USH2A: variants seen among roughly 807,000 people sequenced by gnomAD.
USH2A encodes the protein usherin, also known as Usher syndrome 2A (autosomal recessive, mild).
A neutral mutation model predicts 538.9 loss-of-function variants in USH2A; 443 were observed. That is an observed-to-expected ratio of 0.82 (90% CI 0.76 to 0.89). USH2A has a LOEUF of 0.89. Ranked by LOEUF, USH2A falls within the 40% of genes least tolerant of loss-of-function variation. USH2A has a pLI of 0.00. For synonymous variants in USH2A, 2,413 were observed against 2,273.5 expected, an observed-to-expected ratio of 1.06 and a Z score of -1.75; for missense variants, 6,633 against 6,324.8, an observed-to-expected ratio of 1.05 and a Z score of -1.65.
chr1:215,841,117 G>T (rs1387024755), intron 46 of USH2A, among the ~76,000 whole-genome samples: 2 of 152,072 alleles, frequency 1.3e-5, no homozygotes, highest in Admixed American at 6.6e-5. Context: ...TGGCCATATT[G>T]CTCAAAGTAA....
chr1:216,237,512 A>AT (rs1157067669), intron 13 of USH2A, among the ~76,000 whole-genome samples: 2 of 151,160 alleles, frequency 1.3e-5, no homozygotes, highest in Non-Finnish European at 2.9e-5. Context: ...AAAAAAAAAA[A>AT]AAGAAAGAAA....
rs1655989213 is a variant in USH2A, at chr1:215,625,587, T to C, written c.*194A>G. 1.6e-6 allele frequency: 1 copy of C among 625,286 alleles called. No individual in the cohort carries two copies. Among genetic ancestry groups the C allele is most frequent in the African/African-American group, 1.8e-5 (1 of 54,258 alleles). 38.7% of individuals were successfully genotyped at this position (625,286 alleles called of 1,614,324 possible). The stretch of plus-strand genomic sequence containing the variant: ...ATTTTCATATGAATATTCTCTCTCA[T>C]TTAAGATGAGAAAAATATCATTTCT... On this transcript the variant is annotated 3_prime_UTR_variant, in exon 72 of 72. Transcript: ENST00000307340.
intron 61 of USH2A, among the ~76,000 whole-genome samples, chr1:215,687,847 T>C (rs1450768546): frequency 6.6e-6 from 1 of 152,096 alleles, no homozygotes; most frequent in African/African-American, 2.4e-5. Context: ...ATTGAGAGCT[T>C]CTTATACACT....
chr1:215,934,046 T>C (rs755578153), intron 38 of USH2A, among the ~76,000 whole-genome samples: 32 of 152,166 alleles, frequency 2.1e-4, no homozygotes, highest in Middle Eastern at 3.4e-3. Context: ...ATGCAGACTG[T>C]ATCACATTTC....
In USH2A at chr1:216,089,102, C is replaced by A; in HGVS notation, c.4796G>T (p.Gly1599Val). ...PVEVTTTNDH[G>V]KQYSDGKWHE... ...CCATTTTCCATCACTATATTGTTTG[C>A]CATGATCATTAGTTGTAGTTACTTC... Residue 1599 changes from glycine (G) to valine (V), a missense_variant, in exon 23 of 72, where the codon GGC (glycine) becomes GTC (valine). Transcript: ENST00000307340. 1 of 1,613,248 alleles carries A rather than the reference C, an allele frequency of 6.2e-7. No homozygotes were observed. The highest frequency in any genetic ancestry group is 1.1e-5 in the South Asian group (1 of 91,074).
intron 37 of USH2A, among the ~76,000 whole-genome samples, chr1:215,960,389 G>C (rs934266506): frequency 6.6e-6 from 1 of 151,952 alleles, no homozygotes; most frequent in African/African-American, 2.4e-5. Flanking sequence ...TGTTTCACAA[G>C]GAATGATTAT....
intron 47 of USH2A, among the ~76,000 whole-genome samples, chr1:215,820,832 C>A (rs1303317280): frequency 2.0e-5 from 3 of 151,788 alleles, no homozygotes; most frequent in Non-Finnish European, 4.4e-5. Context: ...TGAAAGAGAA[C>A]ATGCAATGTT....
chr1:215,647,267 G>T (rs553995509), intron 67 of USH2A, among the ~76,000 whole-genome samples: 1 of 152,028 alleles, frequency 6.6e-6, no homozygotes, highest in Non-Finnish European at 1.5e-5. Flanking sequence ...CCCATTGATC[G>T]TTTAACTTCC....
intron 9 of USH2A, among the ~76,000 whole-genome samples, chr1:216,321,014 C>T (rs891741993): frequency 6.6e-6 from 1 of 152,080 alleles, no homozygotes; most frequent in African/African-American, 2.4e-5. Flanking sequence ...AAGCCCTCAA[C>T]TTAAGATATA....
intron 21 of USH2A, among the ~76,000 whole-genome samples, chr1:216,116,122 G>A (rs1476765255): frequency 6.6e-6 from 1 of 151,078 alleles, no homozygotes; most frequent in Non-Finnish European, 1.5e-5. Flanking sequence ...AACTTTTTAC[G>A]TATATTTGTA....
chr1:216,252,664 C>A (rs2036186341), intron 11 of USH2A, among the ~76,000 whole-genome samples: 1 of 152,082 alleles, frequency 6.6e-6, no homozygotes, highest in Non-Finnish European at 1.5e-5. Flanking sequence ...GTAGTTGTAG[C>A]TAATAATGAA....
chr1:215,882,536 T>C (rs1029888806), intron 41 of USH2A, among the ~76,000 whole-genome samples: 7 of 152,194 alleles, frequency 4.6e-5, no homozygotes, highest in African/African-American at 1.7e-4. Flanking sequence ...AGTACAAATA[T>C]ATAAATACAA....
chr1:216,355,495 A>C (rs1254276322), intron 4 of USH2A, among the ~76,000 whole-genome samples: 1 of 152,182 alleles, frequency 6.6e-6, no homozygotes, highest in Non-Finnish European at 1.5e-5. Context: ...AAAAGAAGTA[A>C]CAGTAATCAA....
rs1660886172 is a variant in USH2A at position 215,758,677 on chromosome 1, C to T, written c.11307G>A (p.Met3769Ile). 6.2e-7 allele frequency: 1 copy of T among 1,613,688 alleles called. No individual in the cohort carries two copies. Among genetic ancestry groups the T allele is most frequent in the African/African-American group, 1.3e-5 (1 of 74,958 alleles). ...ASDDYIVQTP[M>I]STPEEIYPPY... is the part of the protein sequence containing the mutation. Reference sequence around the variant, plus strand: ...GAGGATAGATTTCTTCTGGTGTTGACATAGGTGTTTGAACAATGTAATCAT... The same window carrying T: ...GAGGATAGATTTCTTCTGGTGTTGATATAGGTGTTTGAACAATGTAATCAT... The change falls in exon 58 of 72, where the codon ATG becomes ATA. Residue 3769 changes from methionine (M) to isoleucine (I), a missense_variant. By Grantham distance (10) the Met-to-Ile change is conservative. Coordinates refer to ENST00000307340, the MANE Select transcript of USH2A (RefSeq NM_206933.4).
In USH2A at chr1:216,322,934, A is replaced by G. The variant is rs533061525; in HGVS notation, c.1550+540T>C. On this transcript the variant is annotated intron_variant, in intron 8 of 71. Transcript: ENST00000307340. ...CATTTCTTTTTAAATATTGTGAGTC[A>G]TGTTCTCAATTATGATCAGACATTT... 6.2e-4 allele frequency among the ~76,000 whole-genome samples: 94 copies of G among 152,066 alleles called. 2 individuals carry two copies. The highest frequency in any genetic ancestry group is 3.4e-3 in the Middle Eastern group (1 of 294).
chr1:215,747,641 T>C (rs1660507432), intron 58 of USH2A, among the ~76,000 whole-genome samples: 1 of 152,188 alleles, frequency 6.6e-6, no homozygotes, highest in Non-Finnish European at 1.5e-5. Flanking sequence ...TTGGAGGGTG[T>C]TGCTTGAGGT....
intron 56 of USH2A, among the ~76,000 whole-genome samples, chr1:215,762,057 C>T (rs1009893255): frequency 1.3e-5 from 2 of 152,124 alleles, no homozygotes; most frequent in Admixed American, 6.6e-5. Flanking sequence ...TCTCAAACAT[C>T]CCAACTTTCT....
chr1:215,881,119 A>T (rs989305408), intron 41 of USH2A, among the ~76,000 whole-genome samples: 4 of 152,014 alleles, frequency 2.6e-5, no homozygotes, highest in Admixed American at 2.6e-4. Flanking sequence ...TCAATCAATC[A>T]ATCAATTAAT....
At chr1:216,237,020 T>C (rs1395094462) in intron 13 of USH2A, among the ~76,000 whole-genome samples, 3 of 152,200 alleles carry the variant, frequency 2.0e-5, no homozygotes, top group African/African-American at 7.2e-5. Context: ...TATGTATGTG[T>C]ATGCATATTC....
Sources: gnomAD v4.1 joint callset for allele counts (sites outside exome capture counted in the v4.1 genomes callset) on GRCh38, gnomAD v4.1.1 for gene constraint, MANE v1.5 for transcripts, NCBI Gene and HGNC (gene_info 2026-07-23, HGNC 2026-07-21) for gene names.